Variants in AP2A1 observed in about 807,000 individuals in gnomAD.
AP2A1 encodes the protein adaptor related protein complex 2 subunit alpha 1, also known as AP-2 complex subunit alpha-1.
A neutral mutation model predicts 107.3 loss-of-function variants in AP2A1; 21 were observed. The ratio of observed to expected loss-of-function variants is 0.20; its 90% CI spans 0.14 to 0.28. The LOEUF (loss-of-function observed/expected upper bound fraction) is 0.28. AP2A1 is among the 10% of genes least tolerant of loss of function. AP2A1 has a pLI of 1.00. For synonymous variants in AP2A1, 602 were observed against 564.8 expected (o/e 1.07, Z -0.93); for missense variants, 873 against 1,307.7 (o/e 0.67, Z 5.13).
intron 6 of AP2A1, 45 bp downstream of exon 6, chr19:49,793,137 C>A: frequency 6.6e-7 from 1 of 1,511,318 alleles, no homozygotes; most frequent in South Asian, 1.2e-5. Context: ...GCCCTGGCAT[C>A]CCTATGCCCT....
In AP2A1 at chr19:49,785,630, A is replaced by G. The variant is rs1373513546; in HGVS notation, c.473+2906A>G. Among the ~76,000 whole-genome samples the G allele has an allele frequency of 6.6e-6, 1 of 152,010 alleles. No individual in the cohort carries two copies. The highest frequency in any genetic ancestry group is 6.6e-5 in the Admixed American group (1 of 15,246). On this transcript the variant is annotated intron_variant, in intron 4 of 22. Coordinates refer to ENST00000354293, the MANE Select transcript of AP2A1 (RefSeq NM_130787.3). The surrounding 1 kb of genome is among the most constrained non-coding windows in gnomAD (Gnocchi z 4.1). ...CCGTCCAATAAAAATATAATGCAAAATACAGGCCAGGCACAGCAGCTCACA... is the reference window on the plus strand; with the variant it reads ...CCGTCCAATAAAAATATAATGCAAAGTACAGGCCAGGCACAGCAGCTCACA...
rs765347166 is a variant in AP2A1 at position 49,799,717 on chromosome 19, A to C, written c.1223A>C (p.Glu408Ala). Residue 408 changes from glutamate (E) to alanine (A), a missense_variant, in exon 10 of 23, where the codon GAG becomes GCG. Transcript: ENST00000354293. Reference protein sequence around the residue: ...DRSNAKQIVSEMLRYLETADY... With the variant: ...DRSNAKQIVSAMLRYLETADY... ...AGCAATGCCAAGCAGATCGTGTCGG[A>C]GATGCTGCGGTACCTGGAGACGGCA... 1 of 1,613,464 alleles carries C rather than the reference A, an allele frequency of 6.2e-7. No individual in the cohort carries two copies. Among genetic ancestry groups the C allele is most frequent in the South Asian group, 1.1e-5 (1 of 91,090 alleles).
At chr19:49,793,185 G>C in intron 6 of AP2A1, 93 bp downstream of exon 6, 2 of 1,198,518 alleles carry the variant, frequency 1.7e-6, no homozygotes, top group Non-Finnish European at 2.4e-6. Flanking sequence ...CTGAGAGGCA[G>C]CCCAGCCCAA....
rs765613912 is a variant in AP2A1 at position 49,792,028 on chromosome 19, G to A, written c.567G>A (p.Thr189=). The A allele has an allele frequency of 3.7e-6, 6 of 1,612,586 alleles. No homozygotes were observed. In the African/African-American group the frequency reaches 6.7e-5, roughly 18 times the overall value. The change falls in exon 5 of 23, where the codon ACG becomes ACA. Residue 189 remains threonine, a synonymous_variant. Transcript: ENST00000354293. ...ACCTGGTGCCCATGGGCGAGTGGACGGCGCGTGTGGTACACCTGCTCAATG... is the reference window on the plus strand; with the variant it reads ...ACCTGGTGCCCATGGGCGAGTGGACAGCGCGTGTGGTACACCTGCTCAATG... ...SPDLVPMGEW[T]ARVVHLLNDQ... is the part of the protein sequence containing the mutation.
At chr19:49,799,851 G>C (rs2073255561) in intron 10 of AP2A1, 85 bp downstream of exon 10, 13 of 1,560,846 alleles carry the variant, frequency 8.3e-6, no homozygotes, top group Non-Finnish European at 1.1e-5. Flanking sequence ...TAAGGGAGGA[G>C]GGGCTGGGGC....
At chr19:49,795,482 C>A (rs2073200204) in intron 6 of AP2A1, 148 bp from the exon 7 acceptor site, 3 of 629,686 alleles carry the variant, frequency 4.8e-6, no homozygotes, top group African/African-American at 1.8e-5. Context: ...CATAGTGAGA[C>A]CCTGTCTCTA....
chr19:49,772,526 C>A (rs1468774992), intron 1 of AP2A1, among the ~76,000 whole-genome samples: 3 of 139,604 alleles, frequency 2.1e-5, no homozygotes, highest in Admixed American at 2.1e-4. Context: ...AACGGAGTCT[C>A]GCTCTGTCCC....
intron 5 of AP2A1, among the ~76,000 whole-genome samples, chr19:49,792,311 C>A (rs2073155891): frequency 6.8e-6 from 1 of 147,360 alleles, no homozygotes; most frequent in Non-Finnish European, 1.5e-5. Flanking sequence ...CCCTCACGCC[C>A]CCGGATACCC....
intron 15 of AP2A1, chr19:49,802,651 C>T (rs2073304339): frequency 1.4e-6 from 2 of 1,471,632 alleles, no homozygotes; most frequent in African/African-American, 1.4e-5. Flanking sequence ...ACTCGGGTGT[C>T]CCCAGGGAGA....
rs1487943916 is a variant in AP2A1, at chr19:49,788,507, CAGG to C, written c.474-3425_474-3423del. The stretch of plus-strand genomic sequence containing the variant: ...AGGACTCGGGAGATGCGCTGTGGCT[CAGG>C]AGATGTGTGCCGTGGCAGCGATGGG... On this transcript the variant is annotated intron_variant, in intron 4 of 22. Coordinates refer to ENST00000354293, the MANE Select transcript of AP2A1 (RefSeq NM_130787.3). The surrounding 1 kb of genome is among the most constrained non-coding windows in gnomAD (Gnocchi z 4.5). Among the ~76,000 whole-genome samples the C allele has an allele frequency of 2.0e-5, 3 of 151,210 alleles. No homozygotes were observed. Among genetic ancestry groups the C allele is most frequent in the Non-Finnish European group, 2.9e-5 (2 of 67,872 alleles).
chr19:49,767,756 T>C (rs1307509428), intron 1 of AP2A1, among the ~76,000 whole-genome samples: 1 of 151,654 alleles, frequency 6.6e-6, no homozygotes, highest in Non-Finnish European at 1.5e-5. Flanking sequence ...CTGAGAGTGG[T>C]TGAAAGTCCA....
At position 49,802,940 on chromosome 19, in the gene AP2A1, TGCC is replaced by T. The variant is rs762012797; in HGVS notation, c.2115-8_2115-6del. On this transcript the variant is annotated splice_region_variant and splice_polypyrimidine_tract_variant and intron_variant, in intron 15 of 22. Transcript: ENST00000354293. ...TTCCTTCCCATCTCACTCTGCTCCA[TGCC>T]TCCAGCCCAGGTCCTGAGGACATCG... 8.7e-6 allele frequency: 14 copies of T among 1,611,892 alleles called. No homozygotes were observed. Among genetic ancestry groups the T allele is most frequent in the African/African-American group, 4.0e-5 (3 of 74,834 alleles).
intron 7 of AP2A1, 64 bp from the exon 8 acceptor site, chr19:49,798,738 C>T: frequency 1.3e-6 from 2 of 1,547,454 alleles, no homozygotes; most frequent in Non-Finnish European, 1.7e-6. Flanking sequence ...GCATGGCCAC[C>T]ACCCCAGCAG....
chr19:49,782,757 G>A (rs1028471995), intron 4 of AP2A1, 33 bp downstream of exon 4: 4 of 1,555,230 alleles, frequency 2.6e-6, no homozygotes, highest in East Asian at 4.7e-5. Flanking sequence ...GCAGTGGGGG[G>A]CCTGGGGGTG....
rs1216746572 is a variant in AP2A1, at chr19:49,788,972, G to A, written c.474-2963G>A. Among the ~76,000 whole-genome samples the A allele has an allele frequency of 6.6e-6, 1 of 152,220 alleles. No individual in the cohort carries two copies. Among genetic ancestry groups the A allele is most frequent in the Non-Finnish European group, 1.5e-5 (1 of 68,042 alleles). On this transcript the variant is annotated intron_variant, in intron 4 of 22. Coordinates refer to ENST00000354293, the MANE Select transcript of AP2A1 (RefSeq NM_130787.3). This position sits in a 1 kb window ranked among gnomAD's most constrained non-coding sequence, Gnocchi z 4.5. ...AGCCCAGAGCCTCTCCAGAGGGCCTGTCCCTGTGTCCGCCTCCAGCTGCAG... is the reference window on the plus strand; with the variant it reads ...AGCCCAGAGCCTCTCCAGAGGGCCTATCCCTGTGTCCGCCTCCAGCTGCAG...
At chr19:49,775,929 C>A (rs994921772) in intron 1 of AP2A1, among the ~76,000 whole-genome samples, 2 of 152,206 alleles carry the variant, frequency 1.3e-5, no homozygotes, top group African/African-American at 4.8e-5. Context: ...CCACCCTGAT[C>A]TGGGGCTTAC....
intron 1 of AP2A1, among the ~76,000 whole-genome samples, chr19:49,769,834 G>C (rs912166935): frequency 6.6e-6 from 1 of 152,134 alleles, no homozygotes; most frequent in Non-Finnish European, 1.5e-5. Context: ...AGATGGTGCT[G>C]GCTTAACAGG....
intron 22 of AP2A1, 154 bp from the exon 23 acceptor site, chr19:49,806,527 G>A (rs2073390577): frequency 2.8e-6 from 4 of 1,448,676 alleles, no homozygotes; most frequent in Middle Eastern, 2.6e-4. Flanking sequence ...TTCCTCTCTG[G>A]CGCCTCTGTT....
rs1411829205 is a variant in AP2A1, at chr19:49,806,210, A to T, written c.2747A>T (p.Gln916Leu). The change falls in exon 22 of 23, where the codon CAG becomes CTG. Residue 916 changes from glutamine to leucine, a missense_variant. Transcript: ENST00000354293. Reference sequence around the variant, plus strand: ...GGGATCATCCAGACTAAAGCCCTGCAGGTGGGCTGTCTGCTTCGGCTGGAG... The same window carrying T: ...GGGATCATCCAGACTAAAGCCCTGCTGGTGGGCTGTCTGCTTCGGCTGGAG... ...GAGIIQTKAL[Q>L]VGCLLRLEPN... The T allele has an allele frequency of 2.5e-6, 4 of 1,605,688 alleles. No homozygotes were observed. The Admixed American group carries it at 5.1e-5, about 20-fold the overall frequency.
Sources: allele counts gnomAD v4.1 joint callset (sites outside exome capture counted in the v4.1 genomes callset), GRCh38; gene constraint gnomAD v4.1.1; non-coding constraint Gnocchi (gnomAD v3.1); transcripts MANE v1.5; gene names NCBI Gene and HGNC (gene_info 2026-07-23, HGNC 2026-07-21).